The following CADPS variants were observed in gnomAD, a reference collection of about 807,000 sequenced individuals.
CADPS encodes calcium dependent secretion activator.
A neutral mutation model predicts 167.3 loss-of-function variants in CADPS; 57 were observed. That is an observed-to-expected ratio of 0.34 (90% CI 0.28 to 0.42). CADPS has a LOEUF of 0.42. Among genes scored for constraint, CADPS ranks in the 20% least tolerant of loss-of-function variants. CADPS has a pLI of 1.00. For synonymous variants in CADPS, 676 were observed against 635.3 expected (o/e 1.06, Z -0.96); for missense variants, 1,414 against 1,738.1 (o/e 0.81, Z 3.32).
chr3:62,587,629 C>A lies in CADPS; in HGVS notation c.1438-2305G>T, dbSNP rs1453026524. Among the ~76,000 whole-genome samples the A allele has an allele frequency of 5.3e-5, 8 of 152,222 alleles. No homozygotes were observed. The East Asian group carries it at 1.3e-3, about 26-fold the overall frequency. On this transcript the variant is annotated intron_variant, in intron 7 of 29. Coordinates refer to ENST00000383710, the MANE Select transcript of CADPS (RefSeq NM_003716.4). ...CTGTTTGGCAAAATCACAGAGGGAG[C>A]AGTGCTCTGGGCACCCGCAGCTCAT...
rs529246179 is a variant in CADPS, at chr3:62,618,570, T to C, written c.1326-25822A>G. On this transcript the variant is annotated intron_variant, in intron 6 of 29. Coordinates refer to ENST00000383710, the MANE Select transcript of CADPS (RefSeq NM_003716.4). ...AACTAGTAAAGCAGAGCCCCGCCTA[T>C]CCGTATTTCTTCACCTGACTCCTGA... 3.9e-5 allele frequency among the ~76,000 whole-genome samples: 6 copies of C among 152,304 alleles called. No homozygotes were observed. In the South Asian group the frequency reaches 1.0e-3, roughly 26 times the overall value.
intron 28 of CADPS, among the ~76,000 whole-genome samples, chr3:62,434,097 T>C (rs2054508240): frequency 6.6e-6 from 1 of 152,180 alleles, no homozygotes; most frequent in African/African-American, 2.4e-5. Context: ...CACAGCAGTC[T>C]GATCTTCTTT....
chr3:62,870,335 A>G (rs1284838867), intron 1 of CADPS, among the ~76,000 whole-genome samples: 2 of 152,134 alleles, frequency 1.3e-5, no homozygotes, highest in African/African-American at 4.8e-5. Flanking sequence ...AGTGCCTCAA[A>G]ATATATCTGA....
rs1230188516 is a variant in CADPS at position 62,497,563 on chromosome 3, C to G, written c.2706+1599G>C. Among the ~76,000 whole-genome samples the G allele has an allele frequency of 3.3e-5, 5 of 152,316 alleles. No individual in the cohort carries two copies. The East Asian group carries it at 9.7e-4, about 29-fold the overall frequency. Reference sequence around the variant, plus strand: ...ATATTCTAACCCACTTAATTGTTTACATGTTTGGAGGTTATCGATTTGCTT... The same window carrying G: ...ATATTCTAACCCACTTAATTGTTTAGATGTTTGGAGGTTATCGATTTGCTT... On this transcript the variant is annotated intron_variant, in intron 18 of 29. Coordinates refer to ENST00000383710, the MANE Select transcript of CADPS (RefSeq NM_003716.4).
chr3:62,851,667 T>C (rs2078620100), intron 1 of CADPS, among the ~76,000 whole-genome samples: 1 of 144,536 alleles, frequency 6.9e-6, no homozygotes, highest in Non-Finnish European at 1.5e-5. Flanking sequence ...TGGGCTTCCC[T>C]TTGAGGGTAA....
intron 1 of CADPS, among the ~76,000 whole-genome samples, chr3:62,791,462 T>G (rs576982837): frequency 1.8e-4 from 28 of 152,338 alleles, no homozygotes; most frequent in African/African-American, 5.8e-4. Context: ...AATGCAGAAT[T>G]GTTAGAAATG....
intron 17 of CADPS, among the ~76,000 whole-genome samples, chr3:62,503,211 T>C (rs2066061022): frequency 6.6e-6 from 1 of 152,220 alleles, no homozygotes; most frequent in Non-Finnish European, 1.5e-5. Context: ...GCTGCTTCTT[T>C]TTTACAGATG....
At chr3:62,511,157 A>G (rs1194114657) in intron 17 of CADPS, among the ~76,000 whole-genome samples, 1 of 152,152 alleles carries the variant, frequency 6.6e-6, no homozygotes, top group Non-Finnish European at 1.5e-5. Context: ...ATGCATGCCA[A>G]GGTTGGCATG....
intron 4 of CADPS, among the ~76,000 whole-genome samples, chr3:62,656,637 C>T (rs148265777): frequency 6.6e-6 from 1 of 152,232 alleles, no homozygotes; most frequent in South Asian, 2.1e-4. Context: ...ACAGCAATGG[C>T]CATTCCACCA....
intron 1 of CADPS, among the ~76,000 whole-genome samples, chr3:62,863,636 A>G (rs1434907356): frequency 6.6e-6 from 1 of 152,158 alleles, no homozygotes; most frequent in Non-Finnish European, 1.5e-5. Flanking sequence ...GTAGTTAAGC[A>G]TGGATGGGGA....
At chr3:62,464,232 G>T (rs956879055) in intron 26 of CADPS, among the ~76,000 whole-genome samples, 8 of 152,156 alleles carry the variant, frequency 5.3e-5, no homozygotes, top group African/African-American at 1.9e-4. Flanking sequence ...ATTTGCTTAA[G>T]ATCAGACAGC....
rs946238126 is a variant in CADPS, at chr3:62,415,129, C to T, written c.3778-11944G>A. On this transcript the variant is annotated intron_variant, in intron 28 of 29. Coordinates refer to ENST00000383710, the MANE Select transcript of CADPS (RefSeq NM_003716.4). Reference sequence around the variant, plus strand: ...ATACTTCTTTCCCTCTTTCTCTACACGCACACGTACGACATCCAACATAAA... The same window carrying T: ...ATACTTCTTTCCCTCTTTCTCTACATGCACACGTACGACATCCAACATAAA... Among the ~76,000 whole-genome samples, 19 of 147,184 alleles carry T rather than the reference C, an allele frequency of 1.3e-4. 1 individual carries two copies. Among genetic ancestry groups the T allele is most frequent in the South Asian group, 6.9e-4 (3 of 4,368 alleles).
intron 3 of CADPS, among the ~76,000 whole-genome samples, chr3:62,663,852 A>G (rs886651644): frequency 6.6e-6 from 1 of 152,104 alleles, no homozygotes; most frequent in East Asian, 1.9e-4. Flanking sequence ...TCCCCTTTCC[A>G]CAGTTTGGGA....
Position 62,420,681 on chromosome 3 carries a change from T to C in CADPS, c.3777+17423A>G, listed in dbSNP as rs144748865. On this transcript the variant is annotated intron_variant, in intron 28 of 29. Coordinates refer to ENST00000383710, the MANE Select transcript of CADPS (RefSeq NM_003716.4). This position sits in a 1 kb window ranked among gnomAD's most constrained non-coding sequence, Gnocchi z 4.1. ...GCCTGGGGCCCAGGAATGAGGAAAA[T>C]AAAGACAAAGTGCTGCTTTTTAAAA... Among the ~76,000 whole-genome samples, 3,417 of 152,164 alleles carry C rather than the reference T, an allele frequency of 0.022. 38 individuals carry two copies. Among genetic ancestry groups the C allele is most frequent in the South Asian group, 0.047 (228 of 4,818 alleles).
chr3:62,772,034 A>T (rs995883905), intron 1 of CADPS, among the ~76,000 whole-genome samples: 1 of 152,186 alleles, frequency 6.6e-6, no homozygotes, highest in South Asian at 2.1e-4. Flanking sequence ...AGCAATATCT[A>T]CTTTACAGAG....
chr3:62,416,335 C>A (rs1056825085), intron 28 of CADPS, among the ~76,000 whole-genome samples: 1 of 152,214 alleles, frequency 6.6e-6, no homozygotes, highest in East Asian at 1.9e-4. Context: ...ATTGCTGATA[C>A]TACTCAATTA....
intron 21 of CADPS, among the ~76,000 whole-genome samples, chr3:62,485,715 A>G (rs9852260): frequency 0.093 from 14,196 of 152,204 alleles, 1,508 homozygotes; most frequent in African/African-American, 0.27. Context: ...TAATCAACAA[A>G]CATTTATTGA....
intron 3 of CADPS, among the ~76,000 whole-genome samples, chr3:62,719,211 C>T (rs1323331334): frequency 2.0e-5 from 3 of 152,182 alleles, no homozygotes; most frequent in African/African-American, 7.2e-5. Flanking sequence ...TTTATCATAG[C>T]CCTCCTGGGC....
chr3:62,643,656 C>T (rs1474497410), intron 6 of CADPS, among the ~76,000 whole-genome samples: 1 of 152,134 alleles, frequency 6.6e-6, no homozygotes, highest in East Asian at 1.9e-4. Flanking sequence ...TGCATCTGAT[C>T]GAATGTTACA....
Sources: gnomAD v4.1 joint callset for allele counts (sites outside exome capture counted in the v4.1 genomes callset) on GRCh38, gnomAD v4.1.1 for gene constraint, Gnocchi (gnomAD v3.1) non-coding constraint, MANE v1.5 for transcripts, NCBI Gene and HGNC (gene_info 2026-07-23, HGNC 2026-07-21) for gene names.